The following CMKLR2 variants were observed in gnomAD, a reference collection of about 807,000 sequenced individuals.
The protein encoded by CMKLR2 is chemerin-like receptor 2.
A neutral mutation model predicts 23.0 loss-of-function variants in CMKLR2; 18 were observed. The observed-to-expected ratio is 0.78, with a 90% CI of 0.54 to 1.16. The LOEUF (loss-of-function observed/expected upper bound fraction) is 1.16. CMKLR2 is among the 50% of genes most tolerant of loss of function. The probability of loss-of-function intolerance (pLI) is 0.00; values close to 1 mark genes in which losing one functional copy is unlikely to be tolerated. For missense variants in CMKLR2, 401 were observed against 412.7 expected, an observed-to-expected ratio of 0.97 and a Z score of 0.25; for synonymous variants, 158 against 158.9, an observed-to-expected ratio of 0.99 and a Z score of 0.05.
chr2:206,216,574 G>T (rs1186601179), upstream of CMKLR2, among the ~76,000 whole-genome samples: 5 of 152,176 alleles, frequency 3.3e-5, no homozygotes, highest in Non-Finnish European at 7.3e-5. Flanking sequence ...GGGCCACCAT[G>T]CCTGGTCTCA....
intron 1 of CMKLR2, among the ~76,000 whole-genome samples, chr2:206,211,584 C>T (rs553781313): frequency 6.6e-6 from 1 of 152,118 alleles, no homozygotes; most frequent in Non-Finnish European, 1.5e-5. Context: ...AGTCTCCACA[C>T]CATGCCTGAA....
At chr2:206,206,352 G>A (rs1689315901) in intron 1 of CMKLR2, among the ~76,000 whole-genome samples, 1 of 152,090 alleles carries the variant, frequency 6.6e-6, no homozygotes, top group Non-Finnish European at 1.5e-5. Context: ...AAATGGAAAG[G>A]CCATGTTTAA....
intron 1 of CMKLR2, among the ~76,000 whole-genome samples, chr2:206,196,495 A>G (rs957042318): frequency 3.3e-5 from 5 of 152,222 alleles, no homozygotes; most frequent in African/African-American, 7.2e-5. Context: ...TGGCTGAATG[A>G]AAAAACAAAA....
chr2:206,192,599 T>G (rs1478666511), intron 1 of CMKLR2, among the ~76,000 whole-genome samples: 1 of 151,794 alleles, frequency 6.6e-6, no homozygotes, highest in Non-Finnish European at 1.5e-5. Context: ...GGATACAGTC[T>G]AGGTCTTTAT....
chr2:206,195,786 C>T (rs1244147360), intron 1 of CMKLR2, among the ~76,000 whole-genome samples: 1 of 151,846 alleles, frequency 6.6e-6, no homozygotes, highest in Non-Finnish European at 1.5e-5. Flanking sequence ...GAAACTCCAT[C>T]TCTACTAAAA....
chr2:206,176,162 T>G lies in CMKLR2; in HGVS notation c.*18A>C, dbSNP rs780172471. ...CCCACATAAAAAGCCATATACTGAT[T>G]TGTGGAAAAGTAATAACTTATTGAG... is the stretch of plus-strand genomic sequence containing the variant. On this transcript the variant is annotated 3_prime_UTR_variant, in exon 2 of 2. Coordinates refer to ENST00000621141, the MANE Select transcript of CMKLR2 (RefSeq NM_001389445.1). The G allele has an allele frequency of 6.4e-7, 1 of 1,557,166 alleles. No individual in the cohort carries two copies. The highest frequency in any genetic ancestry group is 8.7e-7 in the Non-Finnish European group (1 of 1,145,990).
chr2:206,212,853 A>G (rs753424325), intron 1 of CMKLR2, among the ~76,000 whole-genome samples: 1 of 152,172 alleles, frequency 6.6e-6, no homozygotes, highest in Non-Finnish European at 1.5e-5. Context: ...CTTGTAATCT[A>G]AAGAGGGCAA....
At chr2:206,199,356 C>A (rs987504010) in intron 1 of CMKLR2, among the ~76,000 whole-genome samples, 7 of 152,100 alleles carry the variant, frequency 4.6e-5, no homozygotes, top group African/African-American at 1.2e-4. Context: ...GCCAAGATCG[C>A]ACTACTGCAC....
intron 1 of CMKLR2, among the ~76,000 whole-genome samples, chr2:206,197,640 A>G (rs1688962145): frequency 6.6e-6 from 1 of 152,130 alleles, no homozygotes. Flanking sequence ...ACCCACTATC[A>G]CATCTTGAGT....
intron 1 of CMKLR2, among the ~76,000 whole-genome samples, chr2:206,202,591 G>T (rs1307381361): frequency 6.6e-6 from 1 of 152,102 alleles, no homozygotes; most frequent in Non-Finnish European, 1.5e-5. Flanking sequence ...CTCTTGAGTA[G>T]CTGGGGCTGC....
At position 206,176,408 on chromosome 2, in the gene CMKLR2, A is replaced by G. The variant is rs545473939; in HGVS notation, c.840T>C (p.His280=). 191 of 1,614,222 alleles carry G rather than the reference A, an allele frequency of 1.2e-4. 2 individuals are homozygous for G. Among genetic ancestry groups the G allele is most frequent in the South Asian group, 1.1e-3 (103 of 91,090 alleles). ...AGAGGGGGATTCCAGCCTGCATCAC[A>G]TGGTGGGAATAGCTATTGTGGTGAA... The part of the protein sequence containing the change: ...LTIHHNSYSH[H]VMQAGIPLST... Residue 280 remains histidine (H), a synonymous_variant, in exon 2 of 2, where the codon CAT becomes CAC. Transcript: ENST00000621141.
chr2:206,189,616 T>C (rs926638318), intron 1 of CMKLR2, among the ~76,000 whole-genome samples: 3 of 148,746 alleles, frequency 2.0e-5, no homozygotes, highest in Non-Finnish European at 3.0e-5. Flanking sequence ...GCCTGGGCAA[T>C]AGAGTGAGAC....
Position 206,177,248 on chromosome 2 carries a change from G to A in CMKLR2, c.-1C>T, listed in dbSNP as rs1688263960. 1.3e-6 allele frequency: 2 copies of A among 1,543,344 alleles called. No individual in the cohort carries two copies. Among genetic ancestry groups the A allele is most frequent in the African/African-American group, 1.4e-5 (1 of 72,644 alleles). On this transcript the variant is annotated 5_prime_UTR_variant, in exon 2 of 2. Coordinates refer to ENST00000621141, the MANE Select transcript of CMKLR2 (RefSeq NM_001389445.1). ...ATAATGTTTCCTCCAAATCTTCCAT[G>A]ACCTTGCTAAATGGAGAATGAAGAA...
At chr2:206,190,587 C>G (rs1033019175) in intron 1 of CMKLR2, among the ~76,000 whole-genome samples, 1 of 152,166 alleles carries the variant, frequency 6.6e-6, no homozygotes, top group Non-Finnish European at 1.5e-5. Context: ...GGAAGCTTAG[C>G]TGAATTGCAT....
intron 1 of CMKLR2, among the ~76,000 whole-genome samples, chr2:206,211,078 T>C (rs1184272254): frequency 6.6e-6 from 1 of 152,190 alleles, no homozygotes. Flanking sequence ...TTTTTCAAGC[T>C]GCCAGGTTGT....
intron 1 of CMKLR2, among the ~76,000 whole-genome samples, chr2:206,208,902 C>T (rs970886125): frequency 2.0e-5 from 3 of 152,148 alleles, no homozygotes; most frequent in African/African-American, 7.2e-5. Context: ...AACTCTTGGG[C>T]TCAAGCAATC....
chr2:206,214,495 G>A (rs1408295150), upstream of CMKLR2, among the ~76,000 whole-genome samples: 1 of 152,250 alleles, frequency 6.6e-6, no homozygotes, highest in African/African-American at 2.4e-5. Context: ...GCACATCTGT[G>A]TACCTGAGGC....
At chr2:206,191,942 A>G (rs982148571) in intron 1 of CMKLR2, among the ~76,000 whole-genome samples, 1 of 148,668 alleles carries the variant, frequency 6.7e-6, no homozygotes, top group Non-Finnish European at 1.5e-5. Context: ...CCGGGTTCAC[A>G]CTATTCTCCT....
At chr2:206,190,368 ATG>A (rs1349412307) in intron 1 of CMKLR2, among the ~76,000 whole-genome samples, 1 of 152,170 alleles carries the variant, frequency 6.6e-6, no homozygotes, top group Non-Finnish European at 1.5e-5. Context: ...GCAAGGAGTG[ATG>A]TGACAGAATA....
Sources: gnomAD v4.1 joint callset for allele counts (sites outside exome capture counted in the v4.1 genomes callset) on GRCh38, gnomAD v4.1.1 for gene constraint, MANE v1.5 for transcripts, NCBI Gene and HGNC (gene_info 2026-07-23, HGNC 2026-07-21) for gene names.